ZNF804A: variants seen among roughly 807,000 people sequenced by gnomAD.
The protein encoded by ZNF804A is zinc finger protein 804A.
In ZNF804A, 2 loss-of-function variants were observed where a neutral mutation model predicts 16.5. The ratio of observed to expected loss-of-function variants is 0.12; its 90% CI spans 0.05 to 0.38. The LOEUF (loss-of-function observed/expected upper bound fraction) is 0.38, where lower values mean the gene tolerates loss of function less well. ZNF804A is among the 10% of genes least tolerant of loss of function. The pLI, the probability that ZNF804A is intolerant of heterozygous loss-of-function variation, is 0.99. For missense variants in ZNF804A, 1,473 were observed against 1,390.7 expected (o/e 1.06, Z -0.94); for synonymous variants, 534 against 489.6 (o/e 1.09, Z -1.20).
chr2:184,627,889 A>C (rs979906851), intron 1 of ZNF804A, among the ~76,000 whole-genome samples: 1 of 152,164 alleles, frequency 6.6e-6, no homozygotes, highest in African/African-American at 2.4e-5. Flanking sequence ...TCAACTTCCT[A>C]GGAAAGTTTA....
At chr2:184,905,217 A>C (rs1380919915) in intron 2 of ZNF804A, among the ~76,000 whole-genome samples, 2 of 152,092 alleles carry the variant, frequency 1.3e-5, no homozygotes, top group East Asian at 1.9e-4. Flanking sequence ...CTTAAAAGAC[A>C]CTATCCCTGC....
chr2:184,935,965 C>A lies in ZNF804A; in HGVS notation c.569C>A (p.Ala190Glu). 1 of 1,613,858 alleles carries A rather than the reference C, an allele frequency of 6.2e-7. No individual in the cohort carries two copies. Among genetic ancestry groups the A allele is most frequent in the Non-Finnish European group, 8.5e-7 (1 of 1,179,890 alleles). The change falls in exon 4 of 4, where the codon GCA (alanine) becomes GAA (glutamate). Residue 190 changes from alanine to glutamate, a missense_variant. Coordinates refer to ENST00000302277, the MANE Select transcript of ZNF804A (RefSeq NM_194250.2). ...ACTGTTGCTGAAGATCCAGAAAGTG[C>A]AAATAATTATACAGCAAAAAATAAC... ...ATTVAEDPES[A>E]NNYTAKNNQV...
intron 1 of ZNF804A, among the ~76,000 whole-genome samples, chr2:184,680,798 G>T (rs565449189): frequency 6.6e-6 from 1 of 152,260 alleles, no homozygotes; most frequent in South Asian, 2.1e-4. Context: ...TGTGGCAGGA[G>T]ATGAGAAGGA....
intron 1 of ZNF804A, among the ~76,000 whole-genome samples, chr2:184,806,678 A>T (rs752161728): frequency 6.6e-6 from 1 of 151,982 alleles, no homozygotes; most frequent in South Asian, 2.1e-4. Context: ...TGCATATTGT[A>T]TATTAATATG....
At chr2:184,804,116 G>A (rs531507937) in intron 1 of ZNF804A, among the ~76,000 whole-genome samples, 3 of 152,014 alleles carry the variant, frequency 2.0e-5, no homozygotes, top group East Asian at 1.9e-4. Flanking sequence ...TCCCCACCTC[G>A]GCCTCCCAAA....
intron 1 of ZNF804A, among the ~76,000 whole-genome samples, chr2:184,682,112 G>T (rs1033453502): frequency 6.6e-6 from 1 of 152,232 alleles, no homozygotes. Flanking sequence ...TGGGCCTGCA[G>T]TCAGCTCATG....
rs539900514 is a variant in ZNF804A at position 184,861,944 on chromosome 2, A to G, written c.112-4425A>G. On this transcript the variant is annotated intron_variant, in intron 1 of 3. Coordinates refer to ENST00000302277, the MANE Select transcript of ZNF804A (RefSeq NM_194250.2). The stretch of plus-strand genomic sequence containing the variant: ...GCATACTGCTTCCCTAAAAGAAAGG[A>G]TTCAGCCTTTACTGTTTTTACATAT... Among the ~76,000 whole-genome samples, 3 of 152,274 alleles carry G rather than the reference A, an allele frequency of 2.0e-5. No homozygotes were observed. In the East Asian group the frequency reaches 5.8e-4, roughly 29 times the overall value.
At chr2:184,931,043 A>C (rs186339411) in intron 2 of ZNF804A, among the ~76,000 whole-genome samples, 14 of 152,278 alleles carry the variant, frequency 9.2e-5, no homozygotes, top group Admixed American at 2.6e-4. Flanking sequence ...TGTGCAGGGG[A>C]TCTTCCCATT....
At chr2:184,910,834 C>G (rs1685344379) in intron 2 of ZNF804A, among the ~76,000 whole-genome samples, 1 of 151,756 alleles carries the variant, frequency 6.6e-6, no homozygotes, top group Admixed American at 6.6e-5. Flanking sequence ...TTGCTTTTTG[C>G]TTGTTCAGGT....
chr2:184,631,313 A>C (rs1400368224), intron 1 of ZNF804A, among the ~76,000 whole-genome samples: 1 of 152,154 alleles, frequency 6.6e-6, no homozygotes, highest in Non-Finnish European at 1.5e-5. Flanking sequence ...AGTAGAAAAC[A>C]AATATCAAGA....
intron 1 of ZNF804A, among the ~76,000 whole-genome samples, chr2:184,634,965 T>TA (rs60695567): frequency 2.0e-5 from 3 of 152,032 alleles, no homozygotes; most frequent in African/African-American, 7.2e-5. Flanking sequence ...TGTATTTTTT[T>TA]AAAAAAATAA....
intron 1 of ZNF804A, among the ~76,000 whole-genome samples, chr2:184,747,175 T>C (rs989425237): frequency 1.3e-5 from 2 of 151,062 alleles, no homozygotes; most frequent in South Asian, 4.1e-4. Flanking sequence ...TCTCTAACCT[T>C]TTCTGCTTTA....
At chr2:184,762,506 A>G (rs1308983114) in intron 1 of ZNF804A, among the ~76,000 whole-genome samples, 2 of 151,954 alleles carry the variant, frequency 1.3e-5, no homozygotes, top group African/African-American at 4.8e-5. Context: ...GTGTCTTTTT[A>G]AATGGCAAAT....
At chr2:184,846,611 C>T (rs1695520515) in intron 1 of ZNF804A, among the ~76,000 whole-genome samples, 1 of 152,012 alleles carries the variant, frequency 6.6e-6, no homozygotes, top group Admixed American at 6.6e-5. Context: ...TTAAATTCCC[C>T]CGACAGCCCT....
chr2:184,912,241 T>C (rs1232924119), intron 2 of ZNF804A, among the ~76,000 whole-genome samples: 3 of 152,114 alleles, frequency 2.0e-5, no homozygotes, highest in Middle Eastern at 3.2e-3. Context: ...AATTGAATTA[T>C]ACAGTATATG....
intron 2 of ZNF804A, among the ~76,000 whole-genome samples, chr2:184,884,397 C>T (rs1281373037): frequency 1.3e-5 from 2 of 151,868 alleles, no homozygotes; most frequent in East Asian, 1.9e-4. Flanking sequence ...AGATTTAGTG[C>T]AATTCCTACC....
intron 1 of ZNF804A, among the ~76,000 whole-genome samples, chr2:184,819,712 A>G (rs1300049168): frequency 6.6e-6 from 1 of 151,818 alleles, no homozygotes; most frequent in Admixed American, 6.6e-5. Flanking sequence ...ATCAAATGAC[A>G]CAATCAGAAA....
intron 2 of ZNF804A, among the ~76,000 whole-genome samples, chr2:184,922,216 T>C (rs1399447605): frequency 6.6e-6 from 1 of 152,094 alleles, no homozygotes; most frequent in African/African-American, 2.4e-5. Flanking sequence ...GCATTCTTCC[T>C]AACAGTGTAC....
At chr2:184,858,380 T>C (rs1386852459) in intron 1 of ZNF804A, among the ~76,000 whole-genome samples, 1 of 151,718 alleles carries the variant, frequency 6.6e-6, no homozygotes, top group African/African-American at 2.4e-5. Context: ...GGCACACATC[T>C]GTAATTCCAG....
Sources: allele counts gnomAD v4.1 joint callset (sites outside exome capture counted in the v4.1 genomes callset), GRCh38; gene constraint gnomAD v4.1.1; transcripts MANE v1.5; gene names NCBI Gene and HGNC (gene_info 2026-07-23, HGNC 2026-07-21).